The following MECOM variants were observed in gnomAD, a reference collection of about 807,000 sequenced individuals.
MECOM encodes the protein MDS1 and EVI1 complex locus.
A neutral mutation model predicts 116.3 loss-of-function variants in MECOM; 13 were observed. The observed-to-expected ratio is 0.11, with a 90% CI of 0.07 to 0.18. The LOEUF is 0.18. Among genes scored for constraint, MECOM ranks in the 10% least tolerant of loss-of-function variants. The pLI is 1.00. For synonymous variants in MECOM, 528 were observed against 535.2 expected (o/e 0.99, Z 0.19); for missense variants, 1,299 against 1,509.0 (o/e 0.86, Z 2.31).
intron 2 of MECOM, among the ~76,000 whole-genome samples, chr3:169,235,105 A>G (rs1476116132): frequency 6.6e-6 from 1 of 152,206 alleles, no homozygotes; most frequent in African/African-American, 2.4e-5. Flanking sequence ...CTATGATTTA[A>G]AAGTCCAATT....
At chr3:169,547,917 T>C (rs11709963) in intron 1 of MECOM, among the ~76,000 whole-genome samples, 22,416 of 152,002 alleles carry the variant, frequency 0.15, 2,097 homozygotes, top group East Asian at 0.35. Flanking sequence ...AAGCACACAA[T>C]AGACTCGCCT....
At chr3:169,248,816 G>C (rs901778450) in intron 2 of MECOM, among the ~76,000 whole-genome samples, 1 of 152,158 alleles carries the variant, frequency 6.6e-6, no homozygotes, top group African/African-American at 2.4e-5. Context: ...AGTAGGTAGA[G>C]ATCTGCAAGC....
chr3:169,263,294 A>G (rs766002936), intron 2 of MECOM, among the ~76,000 whole-genome samples: 1 of 150,388 alleles, frequency 6.6e-6, no homozygotes, highest in East Asian at 2.0e-4. Context: ...ATGCTCGGTT[A>G]ATCTTTTGTA....
intron 6 of MECOM, 78 bp from the exon 7 acceptor site, chr3:169,121,287 A>T (rs181736957): frequency 0.02 from 28,409 of 1,412,096 alleles, 352 homozygotes; most frequent in Non-Finnish European, 0.024. Context: ...TGACTCAAGA[A>T]GAAATTTTTC....
intron 1 of MECOM, among the ~76,000 whole-genome samples, chr3:169,416,553 C>T (rs1039028498): frequency 2.0e-5 from 3 of 148,116 alleles, no homozygotes; most frequent in African/African-American, 5.0e-5. Context: ...AATAGAGACA[C>T]AAAAAAACTC....
At chr3:169,310,779 G>A (rs1296649563) in intron 2 of MECOM, among the ~76,000 whole-genome samples, 1 of 152,174 alleles carries the variant, frequency 6.6e-6, no homozygotes, top group Non-Finnish European at 1.5e-5. Flanking sequence ...TAAATCTTAA[G>A]TACTTCTCTT....
intron 2 of MECOM, among the ~76,000 whole-genome samples, chr3:169,375,383 C>T (rs1192366313): frequency 8.9e-6 from 1 of 112,054 alleles, no homozygotes; most frequent in Non-Finnish European, 1.8e-5. Context: ...ATCAATGAAT[C>T]CAGGAGCTGT....
At chr3:169,389,454 G>T in intron 1 of MECOM, 1 of 580,616 alleles carries the variant, frequency 1.7e-6, no homozygotes, top group Non-Finnish European at 2.2e-6. Context: ...GGTAAGAACA[G>T]ACTTATCACA....
At chr3:169,264,867 T>C (rs1034265016) in intron 2 of MECOM, among the ~76,000 whole-genome samples, 1 of 152,184 alleles carries the variant, frequency 6.6e-6, no homozygotes, top group African/African-American at 2.4e-5. Context: ...CAAACTGCTG[T>C]TCAGGCAGCT....
intron 1 of MECOM, among the ~76,000 whole-genome samples, chr3:169,605,170 T>C (rs6763377): frequency 0.3 from 45,184 of 151,888 alleles, 7,040 homozygotes; most frequent in Non-Finnish European, 0.35. Flanking sequence ...AAAGGTACCA[T>C]TTAAGGAAAG....
intron 2 of MECOM, among the ~76,000 whole-genome samples, chr3:169,339,371 C>T (rs1261940055): frequency 6.6e-6 from 1 of 152,224 alleles, no homozygotes; most frequent in Non-Finnish European, 1.5e-5. Flanking sequence ...GTTTAAACAA[C>T]CACTCCAAAT....
chr3:169,518,036 G>A (rs1180841408), intron 1 of MECOM, among the ~76,000 whole-genome samples: 1 of 152,184 alleles, frequency 6.6e-6, no homozygotes, highest in Non-Finnish European at 1.5e-5. Flanking sequence ...AAGGCGGGCT[G>A]ATCACAAGGT....
At chr3:169,218,581 C>T (rs1480732711) in intron 2 of MECOM, among the ~76,000 whole-genome samples, 1 of 152,130 alleles carries the variant, frequency 6.6e-6, no homozygotes, top group East Asian at 1.9e-4. Flanking sequence ...CAGAGTGTCT[C>T]TCAGAAAAGC....
intron 1 of MECOM, among the ~76,000 whole-genome samples, chr3:169,644,644 CT>C (rs1773930117): frequency 1.3e-5 from 2 of 152,140 alleles, no homozygotes; most frequent in Non-Finnish European, 2.9e-5. Context: ...TTTAATCTCT[CT>C]TTTCAACAAT....
intron 2 of MECOM, among the ~76,000 whole-genome samples, chr3:169,172,982 T>G (rs190293378): frequency 2.2e-4 from 33 of 152,236 alleles, no homozygotes; most frequent in African/African-American, 7.7e-4. Flanking sequence ...ATTGTTATTA[T>G]AATTATTATA....
intron 2 of MECOM, among the ~76,000 whole-genome samples, chr3:169,340,664 A>G (rs1157482414): frequency 6.6e-6 from 1 of 152,210 alleles, no homozygotes; most frequent in Non-Finnish European, 1.5e-5. Context: ...TGCACCAGAT[A>G]TAGCTTTCTA....
At position 169,116,088 on chromosome 3, in the gene MECOM, G is replaced by C; in HGVS notation, c.1784C>G (p.Thr595Arg). 6.2e-7 allele frequency: 1 copy of C among 1,614,142 alleles called. No individual in the cohort carries two copies. Among genetic ancestry groups the C allele is most frequent in the Non-Finnish European group, 8.5e-7 (1 of 1,180,036 alleles). ...VSTPSGSDLE[T>R]TSGSDLESDI... ...ACTTTCCAGATCAGAGCCCGAGGTT[G>C]TTTCCAGGTCACTGCCACTTGGTGT... Residue 595 changes from threonine (T) to arginine (R), a missense_variant, in exon 8 of 17, where the codon ACA becomes AGA. Thr to Arg is a moderately conservative substitution (Grantham distance 71). Transcript: ENST00000651503.
At chr3:169,592,937 C>T (rs940714608) in intron 1 of MECOM, among the ~76,000 whole-genome samples, 7 of 151,922 alleles carry the variant, frequency 4.6e-5, no homozygotes, top group East Asian at 3.9e-4. Flanking sequence ...ATAAAAAATA[C>T]GGTGTATGTT....
chr3:169,100,379 G>A (rs934679872), intron 12 of MECOM, among the ~76,000 whole-genome samples: 11 of 152,058 alleles, frequency 7.2e-5, no homozygotes, highest in South Asian at 2.1e-4. Context: ...GATTACAAGC[G>A]TCAGCCACCA....
Sources: gnomAD v4.1 joint callset for allele counts (sites outside exome capture counted in the v4.1 genomes callset) on GRCh38, gnomAD v4.1.1 for gene constraint, MANE v1.5 for transcripts, NCBI Gene and HGNC (gene_info 2026-07-23, HGNC 2026-07-21) for gene names.